SUN1: variants seen among roughly 807,000 people sequenced by gnomAD.
The protein encoded by SUN1 is SUN domain-containing protein 1.
Under a neutral mutation model 103.2 loss-of-function variants are expected in SUN1, and 61 were observed. The ratio of observed to expected loss-of-function variants is 0.59; its 90% confidence interval spans 0.48 to 0.73. The LOEUF is 0.73. Ranked by LOEUF, SUN1 falls within the 30% of genes least tolerant of loss-of-function variation. The probability of loss-of-function intolerance (pLI) is 0.00; values close to 1 mark genes in which losing one functional copy is unlikely to be tolerated. For synonymous variants in SUN1, 490 were observed against 425.7 expected, an observed-to-expected ratio of 1.15 and a Z score of -1.86; for missense variants, 1,052 against 1,034.6, an observed-to-expected ratio of 1.02 and a Z score of -0.23.
chr7:836,080 C>T (rs555948300), intron 1 of SUN1, among the ~76,000 whole-genome samples: 3 of 152,340 alleles, frequency 2.0e-5, no homozygotes, highest in East Asian at 1.9e-4. Context: ...AACTAGCCGG[C>T]GCTGCAACCT....
At chr7:841,899 A>G in intron 2 of SUN1, 47 bp from the exon 3 acceptor site, 5 of 1,586,146 alleles carry the variant, frequency 3.2e-6, no homozygotes, top group Non-Finnish European at 4.3e-6. Context: ...ATCATTTTGT[A>G]TTTGCTAGAA....
intron 2 of SUN1, 137 bp from the exon 3 acceptor site, chr7:841,809 C>A: frequency 2.4e-6 from 2 of 850,074 alleles, no homozygotes; most frequent in Admixed American, 5.3e-5. Flanking sequence ...TGATTCATTA[C>A]AGCAGAAAAG....
At chr7:863,008 G>A (rs947366717) in intron 15 of SUN1, among the ~76,000 whole-genome samples, 1 of 152,118 alleles carries the variant, frequency 6.6e-6, no homozygotes, top group South Asian at 2.1e-4. Flanking sequence ...TGGGTGTGGT[G>A]GTGGGCGCCT....
intron 2 of SUN1, among the ~76,000 whole-genome samples, chr7:839,875 A>G (rs915583969): frequency 3.3e-5 from 5 of 152,160 alleles, no homozygotes; most frequent in African/African-American, 1.2e-4. Flanking sequence ...TTAGGTCTTT[A>G]TTAAAAATCT....
chr7:842,263 C>T (rs1810796938), intron 3 of SUN1, 133 bp downstream of exon 3: 2 of 992,584 alleles, frequency 2.0e-6, no homozygotes, highest in East Asian at 5.3e-5. Context: ...GCTGTGGCCA[C>T]ATTGTGGGTT....
chr7:863,446 C>G (rs1049507209), intron 15 of SUN1, among the ~76,000 whole-genome samples: 11 of 152,352 alleles, frequency 7.2e-5, no homozygotes, highest in Non-Finnish European at 1.5e-4. Context: ...CAACAACATT[C>G]TGCCTGTCCT....
intron 1 of SUN1, among the ~76,000 whole-genome samples, chr7:824,295 G>A (rs559731154): frequency 1.7e-4 from 26 of 152,338 alleles, no homozygotes; most frequent in African/African-American, 6.0e-4. Flanking sequence ...GAGCCTCTGG[G>A]TCCAGACCCA....
At chr7:823,221 C>T (rs894656636) in intron 1 of SUN1, among the ~76,000 whole-genome samples, 3 of 152,202 alleles carry the variant, frequency 2.0e-5, no homozygotes, top group South Asian at 2.1e-4. Context: ...CAGTTCCTGC[C>T]GTCACAGAGT....
chr7:824,864 G>C (rs536984153), intron 1 of SUN1, among the ~76,000 whole-genome samples: 3 of 152,184 alleles, frequency 2.0e-5, no homozygotes, highest in African/African-American at 4.8e-5. Flanking sequence ...CGGGTGCGGG[G>C]TGGGGGCGTC....
chr7:824,769 A>G (rs1160255280), intron 1 of SUN1, among the ~76,000 whole-genome samples: 3 of 152,142 alleles, frequency 2.0e-5, no homozygotes, highest in Middle Eastern at 3.2e-3. Flanking sequence ...AAACAAGTGA[A>G]GAAACGTTGC....
At position 851,369 on chromosome 7, in the gene SUN1, G is replaced by A. The variant is rs1334919176; in HGVS notation, c.659-15G>A. ...CTGGCGTCTGTCTGAGGCCACACACGTCTTCCCTGCACAGGTTACTTCTTG... is the reference window on the plus strand; with the variant it reads ...CTGGCGTCTGTCTGAGGCCACACACATCTTCCCTGCACAGGTTACTTCTTG... On this transcript the variant is annotated splice_polypyrimidine_tract_variant and intron_variant, in intron 5 of 18. Coordinates refer to ENST00000401592, the MANE Select transcript of SUN1 (RefSeq NM_001130965.3). 8.2e-6 allele frequency: 13 copies of A among 1,576,206 alleles called. No homozygotes were observed. Among genetic ancestry groups the A allele is most frequent in the East Asian group, 4.7e-5 (2 of 42,874 alleles).
chr7:847,527 TGGG>T (rs1817370406), intron 5 of SUN1, among the ~76,000 whole-genome samples: 4 of 82,736 alleles, frequency 4.8e-5, no homozygotes, highest in Admixed American at 2.1e-4. Context: ...GGCCTTCCCC[TGGG>T]GGTTACCCCG....
chr7:849,604 G>A, intron 5 of SUN1: 2 of 1,475,024 alleles, frequency 1.4e-6, no homozygotes, highest in Non-Finnish European at 1.8e-6. Context: ...GAAGCGCTGT[G>A]TAAGTATGGC....
rs538330637 is a variant in SUN1 at position 851,533 on chromosome 7, T to G, written c.757+51T>G. ...CGTTCTCTCCAGAGCTTCTGGCAGC[T>G]AAGCACCTGCACTCGATTTACCTAA... On this transcript the variant is annotated intron_variant, in intron 6 of 18. Coordinates refer to ENST00000401592, the MANE Select transcript of SUN1 (RefSeq NM_001130965.3). 2.1e-6 allele frequency: 3 copies of G among 1,426,672 alleles called. No homozygotes were observed. In the East Asian group the frequency reaches 7.6e-5, roughly 36 times the overall value. The allele number at this position is 1,426,672 out of a possible 1,614,324, so 88.4% of individuals were successfully genotyped here. A position where few individuals can be genotyped will look rare whatever the true frequency, so the allele number is the denominator to read the frequency against.
Position 826,594 on chromosome 7 carries a change from C to A in SUN1, c.-74+9921C>A, listed in dbSNP as rs560226357. Among the ~76,000 whole-genome samples, 4 of 152,294 alleles carry A rather than the reference C, an allele frequency of 2.6e-5. No individual in the cohort carries two copies. The East Asian group carries it at 7.7e-4, about 29-fold the overall frequency. Reference sequence around the variant, plus strand: ...TGTCCCCCCGTGGATCAGTGATAGACTGACAGAGTTTTGCAGGTTTGAGTC... The same window carrying A: ...TGTCCCCCCGTGGATCAGTGATAGAATGACAGAGTTTTGCAGGTTTGAGTC... On this transcript the variant is annotated intron_variant, in intron 1 of 17. Transcript: ENST00000389574.
At chr7:858,051 AT>A in intron 13 of SUN1, 94 bp downstream of exon 13, 1 of 1,314,594 alleles carries the variant, frequency 7.6e-7, no homozygotes, top group Non-Finnish European at 1.0e-6. Context: ...TTAATTTTTT[AT>A]TTATTTATTT....
At chr7:818,346 C>G (rs1297645369) in intron 1 of SUN1, among the ~76,000 whole-genome samples, 1 of 152,200 alleles carries the variant, frequency 6.6e-6, no homozygotes, top group Non-Finnish European at 1.5e-5. Context: ...AGAGTTCACG[C>G]ATGTTGTAGA....
upstream of SUN1, among the ~76,000 whole-genome samples, chr7:828,240 ATGTTTT>A (rs199556096): frequency 0.048 from 7,214 of 149,930 alleles, 202 homozygotes; most frequent in African/African-American, 0.065. Flanking sequence ...ATATATATGT[ATGTTTT>A]TGTTTTTGTT....
chr7:839,970 C>T (rs1184903475), intron 2 of SUN1, among the ~76,000 whole-genome samples: 5 of 152,332 alleles, frequency 3.3e-5, no homozygotes, highest in African/African-American at 1.2e-4. Context: ...GAACTCTCCA[C>T]GTGCCCACTT....
Sources: gnomAD v4.1 joint callset for allele counts (sites outside exome capture counted in the v4.1 genomes callset) on GRCh38, gnomAD v4.1.1 for gene constraint, MANE v1.5 for transcripts, NCBI Gene and HGNC (gene_info 2026-07-23, HGNC 2026-07-21) for gene names.